Variants in RYR2 observed in about 807,000 individuals in gnomAD.
RYR2 encodes the protein cardiac muscle ryanodine receptor-calcium release channel.
A neutral mutation model predicts 601.1 loss-of-function variants in RYR2; 227 were observed. That is an observed-to-expected ratio of 0.38 (90% confidence interval 0.34 to 0.42). The LOEUF is 0.42. RYR2 is among the 10% of genes least tolerant of loss of function. RYR2 has a pLI of 1.00. For synonymous variants in RYR2, 2,223 were observed against 2,175.1 expected (o/e 1.02, Z -0.61); for missense variants, 4,646 against 6,156.5 (o/e 0.75, Z 8.21).
chr1:237,294,456 C>T (rs924759409), intron 2 of RYR2, among the ~76,000 whole-genome samples: 1 of 151,426 alleles, frequency 6.6e-6, no homozygotes, highest in Admixed American at 6.6e-5. Flanking sequence ...AAAAAAAACC[C>T]AAATCTCAAT....
rs1687193400 is a variant in RYR2 at position 237,249,007 on chromosome 1, C to T, written c.49-21490C>T. ...CTTGAACTCCCAATCTCAGGTGATT[C>T]ACCTGCCTCGGCCTCCCAAAGTGCT... On this transcript the variant is annotated intron_variant, in intron 1 of 104. Transcript: ENST00000366574. 3.3e-5 allele frequency among the ~76,000 whole-genome samples: 5 copies of T among 152,260 alleles called. No homozygotes were observed. The South Asian group carries it at 1.0e-3, about 32-fold the overall frequency.
At chr1:237,210,897 C>T (rs1415507280) in intron 1 of RYR2, among the ~76,000 whole-genome samples, 15 of 152,092 alleles carry the variant, frequency 9.9e-5, no homozygotes, top group Non-Finnish European at 2.1e-4. Flanking sequence ...GCTGGTTTAC[C>T]TTTGAAGCTT....
chr1:237,060,532 T>TA, intron 1 of RYR2, among the ~76,000 whole-genome samples: 1 of 152,342 alleles, frequency 6.6e-6, no homozygotes, highest in East Asian at 1.9e-4. Context: ...CATTGAATGT[T>TA]ACCATTACCT....
At position 237,155,303 on chromosome 1, in the gene RYR2, G is replaced by A. The variant is rs370966960; in HGVS notation, c.48+112734G>A. 6.2e-3 allele frequency among the ~76,000 whole-genome samples: 932 copies of A among 150,556 alleles called. 7 individuals are homozygous for A. Among genetic ancestry groups the A allele is most frequent in the South Asian group, 0.032 (151 of 4,786 alleles). ...CCACTCTCCTACCTCAGCCTCCCAA[G>A]TAGCTGGGACTACAGGCGCCCACCA... On this transcript the variant is annotated intron_variant, in intron 1 of 104. Coordinates refer to ENST00000366574, the MANE Select transcript of RYR2 (RefSeq NM_001035.3).
chr1:237,689,847 T>TC (rs1686780805), intron 63 of RYR2, among the ~76,000 whole-genome samples: 1 of 143,564 alleles, frequency 7.0e-6, no homozygotes, highest in Non-Finnish European at 1.5e-5. Context: ...CTTTAAGTCT[T>TC]TTTTTTTTTT....
At chr1:237,714,838 A>C (rs929455958) in intron 71 of RYR2, among the ~76,000 whole-genome samples, 3 of 151,600 alleles carry the variant, frequency 2.0e-5, no homozygotes, top group Non-Finnish European at 2.9e-5. Flanking sequence ...AAAATACAAA[A>C]AAAAAATTAG....
At chr1:237,510,268 CAGG>C (rs958938198) in intron 23 of RYR2, among the ~76,000 whole-genome samples, 11 of 151,994 alleles carry the variant, frequency 7.2e-5, no homozygotes, top group Non-Finnish European at 1.5e-4. Flanking sequence ...TGGGATGTAG[CAGG>C]AGAAGGAAGG....
rs541690950 is a variant in RYR2, at chr1:237,669,544, C to T, written c.8590+1586C>T. 9.9e-3 allele frequency among the ~76,000 whole-genome samples: 1,504 copies of T among 151,496 alleles called. 13 individuals are homozygous for T. The highest frequency in any genetic ancestry group is 0.017 in the Non-Finnish European group (1,161 of 67,768). On this transcript the variant is annotated intron_variant, in intron 58 of 104. Coordinates refer to ENST00000366574, the MANE Select transcript of RYR2 (RefSeq NM_001035.3). ...CCTCCCTCCCGCACGGGGCGGCTGC[C>T]GGGCGGAGGGGCTCCTCACTTCTCA...
intron 84 of RYR2, among the ~76,000 whole-genome samples, chr1:237,762,911 G>T (rs1304035976): frequency 6.6e-6 from 1 of 152,044 alleles, no homozygotes; most frequent in Non-Finnish European, 1.5e-5. Flanking sequence ...TCATGAGCGT[G>T]GTAATTATTA....
chr1:237,662,483 G>A (rs887367694), intron 56 of RYR2, among the ~76,000 whole-genome samples: 10 of 64,240 alleles, frequency 1.6e-4, no homozygotes, highest in Middle Eastern at 9.8e-3. Flanking sequence ...TATAGAGAAA[G>A]GGATGTTTTT....
chr1:237,693,671 A>G (rs1401411618), intron 63 of RYR2, among the ~76,000 whole-genome samples: 3 of 152,242 alleles, frequency 2.0e-5, no homozygotes, highest in African/African-American at 4.8e-5. Context: ...ATGAAACAGT[A>G]GCTGTTGTTA....
intron 47 of RYR2, among the ~76,000 whole-genome samples, chr1:237,642,170 A>G (rs1681625710): frequency 6.6e-6 from 1 of 152,092 alleles, no homozygotes; most frequent in Non-Finnish European, 1.5e-5. Context: ...CTCTACCCTT[A>G]TTATCTATAT....
At chr1:237,432,177 A>G (rs1458419051) in intron 12 of RYR2, among the ~76,000 whole-genome samples, 1 of 145,724 alleles carries the variant, frequency 6.9e-6, no homozygotes, top group East Asian at 2.0e-4. Flanking sequence ...CCTTCATTCC[A>G]TGTATCCCAG....
In RYR2 at chr1:237,454,434, G is replaced by T. The variant is rs748867973; in HGVS notation, c.1336G>T (p.Asp446Tyr). Residue 446 changes from aspartate to tyrosine, a missense_variant, in exon 15 of 105, where the codon GAT becomes TAT. Asp to Tyr is a radical substitution (Grantham distance 160). Coordinates refer to ENST00000366574, the MANE Select transcript of RYR2 (RefSeq NM_001035.3). ...LSKKAKASTV[D>Y]LPIESVSLSL... ...CAAGAAAGCGAAGGCTTCCACAGTC[G>T]ATTTGCCTATAGAGTCCGTAAGCCT... 7.4e-6 allele frequency: 12 copies of T among 1,612,840 alleles called. No homozygotes were observed. In the African/African-American group the frequency reaches 8.0e-5, roughly 11 times the overall value.
chr1:237,168,995 G>T (rs1450120173), intron 1 of RYR2, among the ~76,000 whole-genome samples: 14 of 152,050 alleles, frequency 9.2e-5, no homozygotes. Flanking sequence ...TTTCATTTGG[G>T]ATATTTATTA....
intron 1 of RYR2, among the ~76,000 whole-genome samples, chr1:237,143,162 A>C (rs2148768819): frequency 6.6e-6 from 1 of 152,354 alleles, no homozygotes; most frequent in South Asian, 2.1e-4. Flanking sequence ...TTCTGATTTG[A>C]TGATGCAGAA....
chr1:237,375,676 C>T (rs1020270243), intron 7 of RYR2, among the ~76,000 whole-genome samples: 1 of 152,044 alleles, frequency 6.6e-6, no homozygotes, highest in African/African-American at 2.4e-5. Context: ...TCCAAGAACC[C>T]CTGGCACCAG....
chr1:237,175,265 A>G (rs1025300952), intron 1 of RYR2, among the ~76,000 whole-genome samples: 4 of 152,170 alleles, frequency 2.6e-5, no homozygotes, highest in Non-Finnish European at 1.5e-5. Context: ...CTGTAGTTCT[A>G]GAATTCTTTT....
chr1:237,494,219 T>C (rs1330680430), intron 19 of RYR2, among the ~76,000 whole-genome samples: 2 of 152,078 alleles, frequency 1.3e-5, no homozygotes, highest in East Asian at 1.9e-4. Context: ...AGGACGCCCG[T>C]CTGAGTCCCA....
Sources: gnomAD v4.1 joint callset for allele counts (sites outside exome capture counted in the v4.1 genomes callset) on GRCh38, gnomAD v4.1.1 for gene constraint, MANE v1.5 for transcripts, NCBI Gene and HGNC (gene_info 2026-07-23, HGNC 2026-07-21) for gene names.